CPA6: variants seen among roughly 807,000 people sequenced by gnomAD.
CPA6 encodes carboxypeptidase B.
In CPA6, 58 loss-of-function variants were observed where a neutral mutation model predicts 63.3. That is an observed-to-expected ratio of 0.92 (90% CI 0.74 to 1.14). CPA6 has a LOEUF of 1.14. Among genes scored for constraint, CPA6 ranks in the 50% most tolerant of loss-of-function variants. The pLI, the probability that CPA6 is intolerant of heterozygous loss-of-function variation, is 0.00. For synonymous variants in CPA6, 185 were observed against 179.0 expected (o/e 1.03, Z -0.27); for missense variants, 565 against 526.6 (o/e 1.07, Z -0.71).
chr8:67,504,007 T>C (rs1247418113), intron 6 of CPA6, among the ~76,000 whole-genome samples: 1 of 152,154 alleles, frequency 6.6e-6, no homozygotes, highest in East Asian at 1.9e-4. Context: ...TGCGTTGTAT[T>C]ATTTAATCCT....
intron 1 of CPA6, among the ~76,000 whole-genome samples, chr8:67,684,051 A>T (rs1459930551): frequency 5.1e-5 from 7 of 137,918 alleles, no homozygotes; most frequent in African/African-American, 5.3e-5. Flanking sequence ...TTATTTATTT[A>T]TTTATTTTTT....
intron 8 of CPA6, among the ~76,000 whole-genome samples, chr8:67,456,417 T>C (rs1436433445): frequency 6.6e-6 from 1 of 152,188 alleles, no homozygotes; most frequent in Non-Finnish European, 1.5e-5. Context: ...AGTTGGTACA[T>C]TGTCTCAATT....
intron 8 of CPA6, among the ~76,000 whole-genome samples, chr8:67,436,907 A>C (rs1040285184): frequency 2.6e-5 from 4 of 152,224 alleles, no homozygotes; most frequent in Admixed American, 2.6e-4. Flanking sequence ...GATGTAGCCT[A>C]ATTCTACTGA....
chr8:67,461,701 C>CA (rs1379900917), intron 8 of CPA6, among the ~76,000 whole-genome samples: 2 of 151,734 alleles, frequency 1.3e-5, no homozygotes, highest in Non-Finnish European at 2.9e-5. Context: ...CTGACCCCCC[C>CA]ACTTCCCTCC....
At chr8:67,450,669 G>A (rs773991547) in intron 8 of CPA6, among the ~76,000 whole-genome samples, 1 of 152,188 alleles carries the variant, frequency 6.6e-6, no homozygotes, top group Non-Finnish European at 1.5e-5. Context: ...GGGTGAAGAC[G>A]TGAGTGGTGA....
intron 1 of CPA6, among the ~76,000 whole-genome samples, chr8:67,688,434 C>G (rs374730498): frequency 6.6e-6 from 1 of 152,144 alleles, no homozygotes; most frequent in Non-Finnish European, 1.5e-5. Flanking sequence ...AGGGAACGCT[C>G]CTTATTACTT....
intron 2 of CPA6, among the ~76,000 whole-genome samples, chr8:67,560,768 C>T (rs1214789557): frequency 1.3e-5 from 2 of 152,092 alleles, no homozygotes; most frequent in East Asian, 3.9e-4. Flanking sequence ...GGTTGCTAGG[C>T]CACCTCCCAT....
intron 1 of CPA6, among the ~76,000 whole-genome samples, chr8:67,625,542 C>A (rs1424698000): frequency 6.6e-6 from 1 of 152,134 alleles, no homozygotes; most frequent in African/African-American, 2.4e-5. Flanking sequence ...ATAATAATCA[C>A]AACTATTCAA....
chr8:67,529,108 T>G (rs1812424725), intron 2 of CPA6, among the ~76,000 whole-genome samples: 1 of 151,950 alleles, frequency 6.6e-6, no homozygotes, highest in African/African-American at 2.4e-5. Context: ...TTAACCAACT[T>G]CTACTTAATG....
At chr8:67,594,576 G>A (rs1179545214) in intron 2 of CPA6, among the ~76,000 whole-genome samples, 1 of 152,128 alleles carries the variant, frequency 6.6e-6, no homozygotes, top group African/African-American at 2.4e-5. Flanking sequence ...TGGAGGCTTT[G>A]TTTGTTTCTT....
intron 1 of CPA6, among the ~76,000 whole-genome samples, chr8:67,682,245 T>G (rs1366085184): frequency 6.6e-6 from 1 of 152,222 alleles, no homozygotes. Flanking sequence ...TCTGTGTATT[T>G]CGGGTAAGAT....
At chr8:67,666,723 C>T (rs193078607) in intron 1 of CPA6, among the ~76,000 whole-genome samples, 130 of 152,076 alleles carry the variant, frequency 8.5e-4, no homozygotes, top group Admixed American at 4.1e-3. Context: ...GCTCATGACA[C>T]GATGTCCCTC....
intron 1 of CPA6, among the ~76,000 whole-genome samples, chr8:67,638,877 G>C (rs141258722): frequency 3.3e-5 from 5 of 151,460 alleles, no homozygotes; most frequent in Non-Finnish European, 7.4e-5. Context: ...CTCTTTTTCA[G>C]AGTCTTTCCT....
At chr8:67,507,446 G>A (rs1186428518) in intron 5 of CPA6, among the ~76,000 whole-genome samples, 1 of 152,016 alleles carries the variant, frequency 6.6e-6, no homozygotes, top group Non-Finnish European at 1.5e-5. Flanking sequence ...GAATCAAGTG[G>A]TAGATTTTTC....
intron 1 of CPA6, among the ~76,000 whole-genome samples, chr8:67,728,772 T>G (rs1817651736): frequency 6.6e-6 from 1 of 152,222 alleles, no homozygotes; most frequent in Non-Finnish European, 1.5e-5. Flanking sequence ...ACAGGGATAT[T>G]AAGTAATTCC....
chr8:67,475,881 C>CTCTTTT (rs1491556290), intron 8 of CPA6, among the ~76,000 whole-genome samples: 3 of 43,098 alleles, frequency 7.0e-5, no homozygotes, highest in African/African-American at 2.8e-4. Flanking sequence ...CTTTCTTTCT[C>CTCTTTT]CTTTCTTTCT....
At chr8:67,516,731 C>T (rs1001127001) in intron 3 of CPA6, among the ~76,000 whole-genome samples, 2 of 152,126 alleles carry the variant, frequency 1.3e-5, no homozygotes, top group Non-Finnish European at 2.9e-5. Context: ...TACCCTGGAC[C>T]CATCTCTTTC....
chr8:67,424,250 A>C (rs1211120324), intron 10 of CPA6, among the ~76,000 whole-genome samples: 4 of 152,342 alleles, frequency 2.6e-5, no homozygotes, highest in African/African-American at 9.6e-5. Context: ...AATAATGGAA[A>C]TAAAGTGCGC....
At position 67,511,557 on chromosome 8, in the gene CPA6, T is replaced by C. The variant is rs1812042211; in HGVS notation, c.416A>G (p.Tyr139Cys). Reference sequence around the variant, plus strand: ...ATTACATACTTCTTCTAAGGAGTGATAAACTTCATAATTATATCCAGAGAG... The same window carrying C: ...ATTACATACTTCTTCTAAGGAGTGACAAACTTCATAATTATATCCAGAGAG... ...RSLSGYNYEV[Y>C]HSLEEIQNWM... The change falls in exon 4 of 11, where the codon TAT (tyrosine) becomes TGT (cysteine). Residue 139 changes from tyrosine to cysteine, a missense_variant. Transcript: ENST00000297770. 2 of 1,595,682 alleles carry C rather than the reference T, an allele frequency of 1.3e-6. No homozygotes were observed. Among genetic ancestry groups the C allele is most frequent in the East Asian group, 2.2e-5 (1 of 44,770 alleles).
Sources: gnomAD v4.1 joint callset for allele counts (sites outside exome capture counted in the v4.1 genomes callset) on GRCh38, gnomAD v4.1.1 for gene constraint, MANE v1.5 for transcripts, NCBI Gene and HGNC (gene_info 2026-07-23, HGNC 2026-07-21) for gene names.